The following CELF2 variants were observed in gnomAD, a reference collection of about 807,000 sequenced individuals.
CELF2 encodes the protein CUGBP Elav-like family member 2.
Under a neutral mutation model 62.6 loss-of-function variants are expected in CELF2, and 8 were observed. That is an observed-to-expected ratio of 0.13 (90% CI 0.07 to 0.23). The LOEUF is 0.23. Among genes scored for constraint, CELF2 ranks in the 10% least tolerant of loss-of-function variants. The pLI is 1.00. For synonymous variants in CELF2, 258 were observed against 250.0 expected, an observed-to-expected ratio of 1.03 and a Z score of -0.30; for missense variants, 333 against 671.0, an observed-to-expected ratio of 0.50 and a Z score of 5.56.
intron 2 of CELF2, among the ~76,000 whole-genome samples, chr10:10,981,076 C>T (rs1448514340): frequency 6.6e-6 from 1 of 152,174 alleles, no homozygotes; most frequent in African/African-American, 2.4e-5. Flanking sequence ...ACCCTTCTGC[C>T]ATTGTGACAC....
chr10:10,915,131 TAAAA>T (rs11358531), intron 1 of CELF2, among the ~76,000 whole-genome samples: 1 of 135,872 alleles, frequency 7.4e-6, no homozygotes, highest in Non-Finnish European at 1.6e-5. Context: ...AACTTTATTT[TAAAA>T]AAAAAAAAAA....
chr10:11,175,041 G>T (rs914469939), intron 2 of CELF2, among the ~76,000 whole-genome samples: 3 of 149,252 alleles, frequency 2.0e-5, no homozygotes, highest in African/African-American at 7.5e-5. Context: ...ATGAAAGCTA[G>T]TATTAACATG....
At chr10:10,991,162 C>A (rs2053395427) in intron 2 of CELF2, among the ~76,000 whole-genome samples, 1 of 152,132 alleles carries the variant, frequency 6.6e-6, no homozygotes, top group Non-Finnish European at 1.5e-5. Context: ...AATACAGACT[C>A]TCTCTTTGTT....
upstream of CELF2, among the ~76,000 whole-genome samples, chr10:11,017,772 G>A (rs1358247267): frequency 6.6e-6 from 1 of 151,616 alleles, no homozygotes; most frequent in Non-Finnish European, 1.5e-5. The surrounding 1 kb of genome is among the most constrained non-coding windows in gnomAD (Gnocchi z 5.5). Context: ...CGCGGAGGCG[G>A]CCCGCCCTGT....
the CELF2 span, among the ~76,000 whole-genome samples, chr10:10,654,542 T>G: frequency 9.9e-6 from 1 of 101,306 alleles, no homozygotes; most frequent in Non-Finnish European, 2.1e-5. Flanking sequence ...GCTTCATCCC[T>G]GGGATGCAAG....
At chr10:11,294,477 C>G (rs2092915319) in intron 9 of CELF2, among the ~76,000 whole-genome samples, 1 of 152,210 alleles carries the variant, frequency 6.6e-6, no homozygotes, top group Admixed American at 6.5e-5. Context: ...TTTCTTCTTA[C>G]ACCCATCTTT....
At chr10:11,106,048 G>GA (rs2053360331) in intron 1 of CELF2, among the ~76,000 whole-genome samples, 1 of 152,154 alleles carries the variant, frequency 6.6e-6, no homozygotes, top group South Asian at 2.1e-4. Flanking sequence ...ATATTGCAGA[G>GA]AAATGATGAA....
At chr10:11,091,483 A>T (rs1238763590) in intron 1 of CELF2, among the ~76,000 whole-genome samples, 1 of 152,216 alleles carries the variant, frequency 6.6e-6, no homozygotes, top group Non-Finnish European at 1.5e-5. Context: ...CCTTCAAGAA[A>T]GTTCATGTGC....
intron 1 of CELF2, among the ~76,000 whole-genome samples, chr10:11,036,737 G>T (rs1466063802): frequency 2.0e-5 from 3 of 152,220 alleles, no homozygotes; most frequent in East Asian, 1.9e-4. Context: ...CCCGCTGGGG[G>T]TTTACAGATA....
At chr10:10,651,924 G>C in the CELF2 span, among the ~76,000 whole-genome samples, 1 of 151,118 alleles carries the variant, frequency 6.6e-6, no homozygotes, top group Non-Finnish European at 1.5e-5. Context: ...AAATTACTCT[G>C]AGCTACGGGA....
chr10:11,103,484 C>G (rs1595334102), intron 1 of CELF2, among the ~76,000 whole-genome samples: 1 of 99,188 alleles, frequency 1.0e-5, no homozygotes, highest in East Asian at 3.0e-4. Flanking sequence ...TGTTTGTAGC[C>G]TGATTTTTTT....
chr10:11,132,425 C>T (rs1352272540), intron 1 of CELF2, among the ~76,000 whole-genome samples: 1 of 152,116 alleles, frequency 6.6e-6, no homozygotes, highest in Non-Finnish European at 1.5e-5. Context: ...ATTTTCATCC[C>T]AGTGAAGGCT....
rs1565232777 is a variant in CELF2 at position 11,197,050 on chromosome 10, A to AGAG, written c.272-20375_272-20374insGAG. Among the ~76,000 whole-genome samples, 137 of 104,894 alleles carry AGAG rather than the reference A, an allele frequency of 1.3e-3. 26 individuals carry two copies. Among genetic ancestry groups the AGAG allele is most frequent in the African/African-American group, 6.8e-3 (133 of 19,598 alleles). The allele number at this position is 104,894 out of a possible 152,430, so 68.8% of individuals were successfully genotyped here. A position where few individuals can be genotyped will look rare whatever the true frequency, so the allele number is the denominator to read the frequency against. ...AAAAGAAAGAAAGAAAGAAAGAAAG[A>AGAG]AAGAAAGAAAAGAAAGAAAGGAAAG... On this transcript the variant is annotated intron_variant, in intron 2 of 12. Transcript: ENST00000633077.
At chr10:10,548,256 G>T in the CELF2 span, among the ~76,000 whole-genome samples, 3 of 152,206 alleles carry the variant, frequency 2.0e-5, no homozygotes, top group African/African-American at 7.2e-5. Context: ...ATCATTCATT[G>T]TCGAGCTCCC....
At chr10:10,892,558 G>T (rs372599037) in intron 1 of CELF2, among the ~76,000 whole-genome samples, 1 of 152,162 alleles carries the variant, frequency 6.6e-6, no homozygotes, top group Non-Finnish European at 1.5e-5. Flanking sequence ...AGAAATCTCC[G>T]TTTATCAAAA....
intron 1 of CELF2, among the ~76,000 whole-genome samples, chr10:11,045,110 C>G (rs2062580985): frequency 6.6e-6 from 1 of 152,168 alleles, no homozygotes; most frequent in African/African-American, 2.4e-5. Flanking sequence ...TGACTGAGAA[C>G]TTGTGTTCCG....
chr10:11,228,742 A>T (rs1445191420), intron 3 of CELF2, among the ~76,000 whole-genome samples: 5 of 115,026 alleles, frequency 4.3e-5, no homozygotes, highest in Non-Finnish European at 9.5e-5. Flanking sequence ...AAAAAAAAAA[A>T]AAACTTGGAA....
intron 1 of CELF2, among the ~76,000 whole-genome samples, chr10:11,160,088 C>G (rs922201051): frequency 6.6e-6 from 1 of 152,220 alleles, no homozygotes; most frequent in African/African-American, 2.4e-5. Flanking sequence ...GAATTGGACA[C>G]AGGCAAGGAA....
the CELF2 span, among the ~76,000 whole-genome samples, chr10:10,534,837 T>C: frequency 6.6e-6 from 1 of 152,224 alleles, no homozygotes; most frequent in Non-Finnish European, 1.5e-5. Context: ...TCCCTTTCCC[T>C]AGTAGGATTA....
Sources: allele counts gnomAD v4.1 joint callset (sites outside exome capture counted in the v4.1 genomes callset), GRCh38; gene constraint gnomAD v4.1.1; non-coding constraint Gnocchi (gnomAD v3.1); transcripts MANE v1.5; gene names NCBI Gene and HGNC (gene_info 2026-07-23, HGNC 2026-07-21).